The following WASL variants were observed in gnomAD, a reference collection of about 807,000 sequenced individuals.
WASL encodes WASP like actin nucleation promoting factor.
Under a neutral mutation model 55.5 loss-of-function variants are expected in WASL, and 20 were observed. That is an observed-to-expected ratio of 0.36 (90% CI 0.25 to 0.52). The LOEUF (loss-of-function observed/expected upper bound fraction) is 0.52, where lower values mean the gene tolerates loss of function less well. Among genes scored for constraint, WASL ranks in the 20% least tolerant of loss-of-function variants. The pLI is 0.92. For synonymous variants in WASL, 249 were observed against 217.6 expected (o/e 1.14, Z -1.27); for missense variants, 504 against 622.5 (o/e 0.81, Z 2.03).
At chr7:123,718,114 C>A (rs1406628345) in intron 1 of WASL, among the ~76,000 whole-genome samples, 1 of 152,094 alleles carries the variant, frequency 6.6e-6, no homozygotes, top group Non-Finnish European at 1.5e-5. Context: ...ATAAACACAG[C>A]AAGTTATAAT....
intron 1 of WASL, among the ~76,000 whole-genome samples, chr7:123,738,256 T>G (rs1156969767): frequency 6.6e-6 from 1 of 152,000 alleles, no homozygotes; most frequent in Non-Finnish European, 1.5e-5. Context: ...AAATATATAT[T>G]TATATATATT....
chr7:123,701,163 T>C (rs924882454), intron 5 of WASL, among the ~76,000 whole-genome samples: 15 of 152,188 alleles, frequency 9.9e-5, no homozygotes, highest in African/African-American at 3.4e-4. Flanking sequence ...TCATTTCTAG[T>C]AAAGTTTAAT....
chr7:123,739,807 C>T lies in WASL; in HGVS notation c.117+8811G>A, dbSNP rs530184862. ...ATTCTCTAGGCTATTTAAGGTTTTTCATATTCAAGTCCCACAATGATATAC... is the reference window on the plus strand; with the variant it reads ...ATTCTCTAGGCTATTTAAGGTTTTTTATATTCAAGTCCCACAATGATATAC... On this transcript the variant is annotated intron_variant, in intron 1 of 10. Transcript: ENST00000223023. Among the ~76,000 whole-genome samples, 4 of 151,838 alleles carry T rather than the reference C, an allele frequency of 2.6e-5. No individual in the cohort carries two copies. In the East Asian group the frequency reaches 7.7e-4, roughly 29 times the overall value.
chr7:123,721,685 G>A (rs886459263), intron 1 of WASL, among the ~76,000 whole-genome samples: 5 of 152,078 alleles, frequency 3.3e-5, no homozygotes, highest in Non-Finnish European at 4.4e-5. Context: ...CAGCACTTTG[G>A]GAGGCCAAGG....
chr7:123,738,667 C>G (rs1043944210), intron 1 of WASL, among the ~76,000 whole-genome samples: 1 of 152,116 alleles, frequency 6.6e-6, no homozygotes, highest in African/African-American at 2.4e-5. Context: ...AGGAATACAA[C>G]AGGTAGTTAG....
chr7:123,689,159 AG>A lies in WASL; in HGVS notation c.1348-10del, dbSNP rs1803353123. ...TCTTGGCCATCAGCCACCTTGGAAA[AG>A]AAAGTTAGCAAAACTCAGTAATAAA... On this transcript the variant is annotated splice_polypyrimidine_tract_variant and intron_variant, in intron 9 of 10. Transcript: ENST00000223023. The A allele has an allele frequency of 6.2e-6, 10 of 1,609,370 alleles. No homozygotes were observed. The East Asian group carries it at 2.2e-4, about 36-fold the overall frequency.
chr7:123,683,285 TTAGTG>T lies in WASL; in HGVS notation c.*1229_*1233del, dbSNP rs1268906076. 1.3e-5 allele frequency: 2 copies of T among 152,016 alleles called. No individual in the cohort carries two copies. Among genetic ancestry groups the T allele is most frequent in the African/African-American group, 2.4e-5 (1 of 41,414 alleles). 9.4% of individuals were successfully genotyped at this position (152,016 alleles called of 1,614,324 possible). Reference sequence around the variant, plus strand: ...TATGAAACAACCACCTTTAGGCAGATTAGTGTAGTGTAGAGAGGCAAAGAAACCCT... The same window carrying T: ...TATGAAACAACCACCTTTAGGCAGATTAGTGTAGAGAGGCAAAGAAACCCT... On this transcript the variant is annotated 3_prime_UTR_variant, in exon 11 of 11. Coordinates refer to ENST00000223023, the MANE Select transcript of WASL (RefSeq NM_003941.4).
intron 1 of WASL, among the ~76,000 whole-genome samples, chr7:123,710,595 T>C (rs565149803): frequency 7.4e-4 from 112 of 152,290 alleles, no homozygotes; most frequent in African/African-American, 2.6e-3. Flanking sequence ...CCATAAAGAC[T>C]TGCTCAGATA....
At chr7:123,690,921 C>T (rs185723042) in intron 9 of WASL, among the ~76,000 whole-genome samples, 117 of 152,236 alleles carry the variant, frequency 7.7e-4, no homozygotes, top group Non-Finnish European at 1.3e-3. Flanking sequence ...ATTCTCCCCA[C>T]TAACCACTCT....
At chr7:123,712,848 CACAA>C (rs1340835408) in intron 1 of WASL, among the ~76,000 whole-genome samples, 6 of 152,154 alleles carry the variant, frequency 3.9e-5, no homozygotes, top group Non-Finnish European at 7.3e-5. Context: ...AGACTTAAAC[CACAA>C]ACATTCAGCA....
In WASL at chr7:123,745,111, G is replaced by A. The variant is rs531693359; in HGVS notation, c.117+3507C>T. ...TATGTTTCTGTGTACTTTTTCTGCT[G>A]GTGGTTATAATGCCTGCCTTTATTG... On this transcript the variant is annotated intron_variant, in intron 1 of 10. Transcript: ENST00000223023. 6.4e-4 allele frequency among the ~76,000 whole-genome samples: 98 copies of A among 152,214 alleles called. 1 individual carries two copies. In the South Asian group the frequency reaches 0.02, roughly 31 times the overall value.
At chr7:123,730,281 A>G (rs759484096) in intron 1 of WASL, among the ~76,000 whole-genome samples, 5 of 152,178 alleles carry the variant, frequency 3.3e-5, no homozygotes, top group Non-Finnish European at 7.4e-5. Flanking sequence ...ATTGTTAGAG[A>G]ACGAATAAAT....
At chr7:123,742,774 A>G (rs1804365658) in intron 1 of WASL, among the ~76,000 whole-genome samples, 3 of 152,222 alleles carry the variant, frequency 2.0e-5, no homozygotes, top group African/African-American at 7.2e-5. Context: ...TGAAATGCCT[A>G]TTAAATTACA....
chr7:123,737,054 G>C (rs998045104), intron 1 of WASL, among the ~76,000 whole-genome samples: 2 of 152,236 alleles, frequency 1.3e-5, no homozygotes, highest in Middle Eastern at 3.4e-3. Context: ...TAAGACTTAG[G>C]GCTGTCTAAT....
intron 9 of WASL, 101 bp from the exon 10 acceptor site, chr7:123,689,251 G>T: frequency 1.1e-6 from 1 of 906,370 alleles, no homozygotes; most frequent in Non-Finnish European, 1.7e-6. Flanking sequence ...TATTGTAAAA[G>T]ACAAAAAAGA....
chr7:123,703,417 T>C (rs1803621404), intron 5 of WASL, among the ~76,000 whole-genome samples: 1 of 152,210 alleles, frequency 6.6e-6, no homozygotes. Context: ...GTAGTTGCTA[T>C]TATTGTTGTC....
At chr7:123,714,275 G>A (rs929443513) in intron 1 of WASL, among the ~76,000 whole-genome samples, 14 of 151,994 alleles carry the variant, frequency 9.2e-5, no homozygotes, top group Non-Finnish European at 2.1e-4. Context: ...TCCAGGAAAA[G>A]AAAACACAAA....
intron 1 of WASL, among the ~76,000 whole-genome samples, chr7:123,713,851 G>A (rs1191470416): frequency 6.6e-6 from 1 of 152,134 alleles, no homozygotes; most frequent in African/African-American, 2.4e-5. Context: ...TTCTGCATCC[G>A]CAACCAAACG....
intron 1 of WASL, among the ~76,000 whole-genome samples, chr7:123,733,334 T>C (rs1243162333): frequency 6.6e-6 from 1 of 152,160 alleles, no homozygotes; most frequent in African/African-American, 2.4e-5. Flanking sequence ...AAGGTTAATA[T>C]GCAAAGTCAA....
Sources: gnomAD v4.1 joint callset for allele counts (sites outside exome capture counted in the v4.1 genomes callset) on GRCh38, gnomAD v4.1.1 for gene constraint, MANE v1.5 for transcripts, NCBI Gene and HGNC (gene_info 2026-07-23, HGNC 2026-07-21) for gene names.